RECQL4: variants seen among roughly 807,000 people sequenced by gnomAD.
RECQL4 encodes RecQ like helicase 4.
Under a neutral mutation model 128.6 loss-of-function variants are expected in RECQL4, and 158 were observed. That is an observed-to-expected ratio of 1.23 (90% CI 1.08 to 1.40). The LOEUF (loss-of-function observed/expected upper bound fraction) is 1.40, where lower values mean the gene tolerates loss of function less well. Among genes scored for constraint, RECQL4 ranks in the 40% most tolerant of loss-of-function variants. The probability of loss-of-function intolerance (pLI) is 0.00; values close to 1 mark genes in which losing one functional copy is unlikely to be tolerated. For synonymous variants in RECQL4, 996 were observed against 678.9 expected, an observed-to-expected ratio of 1.47 and a Z score of -7.26; for missense variants, 2,293 against 1,649.8, an observed-to-expected ratio of 1.39 and a Z score of -6.75.
At position 144,511,974 on chromosome 8, in the gene RECQL4, T is replaced by C. The variant is rs754909617; in HGVS notation, c.3330A>G (p.Glu1110=). Reference sequence around the variant, plus strand: ...TGCCTCCCGGCTCCTGCCCTTCCTCTTCCTCAAAGTAGCGGCCGAGCAGGT... The same window carrying C: ...TGCCTCCCGGCTCCTGCCCTTCCTCCTCCTCAAAGTAGCGGCCGAGCAGGT... The part of the protein sequence containing the change: ...LKDLLGRYFE[E]EEGQEPGGME... The change falls in exon 19 of 21, where the codon GAA becomes GAG. Residue 1110 remains glutamate (E), a synonymous_variant. Coordinates refer to ENST00000617875, the MANE Select transcript of RECQL4 (RefSeq NM_004260.4). 3.1e-6 allele frequency: 5 copies of C among 1,611,488 alleles called. No individual in the cohort carries two copies. In the African/African-American group the frequency reaches 6.7e-5, roughly 21 times the overall value.
Position 144,515,175 on chromosome 8 carries a change from C to T in RECQL4, c.1458G>A (p.Glu486=), listed in dbSNP as rs1060504211. 1.3e-6 allele frequency: 2 copies of T among 1,565,986 alleles called. No homozygotes were observed. The highest frequency in any genetic ancestry group is 8.6e-7 in the Non-Finnish European group (1 of 1,156,332). The change falls in exon 8 of 21, where the codon GAG becomes GAA. Residue 486 remains glutamate, a synonymous_variant. Coordinates refer to ENST00000617875, the MANE Select transcript of RECQL4 (RefSeq NM_004260.4). ...CAGACAGGATCCGCATGACTGCACG[C>T]TCCTGCCCAGGGCGAAAGGCTTGGT... The part of the protein sequence containing the change: ...LGHQAFRPGQ[E]RAVMRILSGI...
Position 144,513,551 on chromosome 8 carries a change from C to G in RECQL4, c.2200+20G>C, listed in dbSNP as rs1245400290. ...GCCCAAGGTGGGTCCACGGGGACAC[C>G]AGCTCTGTCCATGCCGCACCTCCAG... On this transcript the variant is annotated intron_variant, in intron 13 of 20. Transcript: ENST00000617875. 6.2e-7 allele frequency: 1 copy of G among 1,610,772 alleles called. No individual in the cohort carries two copies. Among genetic ancestry groups the G allele is most frequent in the Admixed American group, 1.7e-5 (1 of 59,872 alleles).
At chr8:144,513,195 G>A in intron 14 of RECQL4, 23 bp downstream of exon 14, 2 of 928,854 alleles carry the variant, frequency 2.2e-6, no homozygotes, top group Non-Finnish European at 3.1e-6. Flanking sequence ...AGCACTGGCA[G>A]TGTGGGGGGG....
chr8:144,514,237 G>A lies in RECQL4; in HGVS notation c.1830C>T (p.Leu610=), dbSNP rs751342461. Reference sequence around the variant, plus strand: ...GCCGGAAGTTGTGGGACCACTGGGAGAGGCAGTGGGCCTCATCAATGCAGG... The same window carrying A: ...GCCGGAAGTTGTGGGACCACTGGGAAAGGCAGTGGGCCTCATCAATGCAGG... ...AFACIDEAHC[L]SQWSHNFRPC... The change falls in exon 11 of 21, where the codon CTC becomes CTT. Residue 610 remains leucine, a synonymous_variant. Transcript: ENST00000617875. 6.2e-7 allele frequency: 1 copy of A among 1,612,342 alleles called. No homozygotes were observed. The highest frequency in any genetic ancestry group is 1.1e-5 in the South Asian group (1 of 91,090).
chr8:144,512,383 G>C lies in RECQL4; in HGVS notation c.3055+9C>G. 1.9e-6 allele frequency: 3 copies of C among 1,607,424 alleles called. No individual in the cohort carries two copies. Among genetic ancestry groups the C allele is most frequent in the Non-Finnish European group, 2.6e-6 (3 of 1,176,164 alleles). On this transcript the variant is annotated intron_variant, in intron 17 of 20. Coordinates refer to ENST00000617875, the MANE Select transcript of RECQL4 (RefSeq NM_004260.4). The stretch of plus-strand genomic sequence containing the variant: ...CGTCCAGGGCGGTGTGGGGTGGGGA[G>C]AGGCGCACCTGTCCTGGGCTCGTGG...
At chr8:144,513,771 G>T in intron 12 of RECQL4, 59 bp from the exon 13 acceptor site, 1 of 1,455,710 alleles carries the variant, frequency 6.9e-7, no homozygotes, top group Non-Finnish European at 9.2e-7. Flanking sequence ...CGTGTGCAGT[G>T]GGGAGTGAGG....
Position 144,516,007 on chromosome 8 carries a change from C to G in RECQL4, c.1112G>C (p.Ser371Thr), listed in dbSNP as rs1205624933. Reference protein sequence around the residue: ...KHYVRGRALRSRLLRKQAWKQ... With the variant: ...KHYVRGRALRTRLLRKQAWKQ... ...TCTTACCTGCTTGCGGAGGAGCCTG[C>G]TACGGAGTGCCCGGCCCCGCACGTA... The change falls in exon 5 of 21, where the codon AGC becomes ACC. Residue 371 changes from serine (S) to threonine (T), a missense_variant. Transcript: ENST00000617875. 6.2e-7 allele frequency: 1 copy of G among 1,609,812 alleles called. No individual in the cohort carries two copies. Among genetic ancestry groups the G allele is most frequent in the Non-Finnish European group, 8.5e-7 (1 of 1,177,640 alleles).
Position 144,516,713 on chromosome 8 carries a change from T to C in RECQL4, c.406A>G (p.Lys136Glu). 6.5e-7 allele frequency: 1 copy of C among 1,544,108 alleles called. No individual in the cohort carries two copies. Among genetic ancestry groups the C allele is most frequent in the Non-Finnish European group, 8.7e-7 (1 of 1,147,920 alleles). The stretch of plus-strand genomic sequence containing the variant: ...CCTGGGGGCTTTGGGGTGGATGCCT[T>C]AGATGAGGCTCTTCCTAGAGGCCAC... The part of the protein sequence containing the change: ...RPWPLGRASS[K>E]ASTPKPPGTG... The change falls in exon 5 of 21, where the codon AAG becomes GAG. Residue 136 changes from lysine to glutamate, a missense_variant. By Grantham distance (56) the Lys-to-Glu change is moderately conservative. Transcript: ENST00000617875.
intron 4 of RECQL4, 65 bp from the exon 5 acceptor site, chr8:144,516,829 C>T (rs1326447378): frequency 4.1e-6 from 6 of 1,454,878 alleles, no homozygotes; most frequent in African/African-American, 2.8e-5. Flanking sequence ...GACTCTAAAA[C>T]CTACCTGAGT....
At chr8:144,517,255 A>C in intron 3 of RECQL4, 65 bp from the exon 4 acceptor site, 1 of 1,527,154 alleles carries the variant, frequency 6.5e-7, no homozygotes, top group African/African-American at 1.4e-5. Flanking sequence ...GCTCCCAGCC[A>C]CCCCTCCCGC....
rs752895450 is a variant in RECQL4, at chr8:144,513,481, C to T, written c.2201-1G>A. 1.9e-6 allele frequency: 3 copies of T among 1,610,064 alleles called. No homozygotes were observed. Among genetic ancestry groups the T allele is most frequent in the South Asian group, 1.1e-5 (1 of 91,062 alleles). The stretch of plus-strand genomic sequence containing the variant: ...TCGGCTGTGGTTTTGGGGGCACGAC[C>T]TTTGGGGAAGACAGGCAGATGGTCA... On this transcript the variant is annotated splice_acceptor_variant, in intron 13 of 20. Coordinates refer to ENST00000617875, the MANE Select transcript of RECQL4 (RefSeq NM_004260.4). LOFTEE classifies it high-confidence loss of function.
chr8:144,517,575 G>GC (rs1564812371), intron 2 of RECQL4, 27 bp downstream of exon 2: 2 of 1,479,048 alleles, frequency 1.4e-6, no homozygotes, highest in South Asian at 1.3e-5. Context: ...GTGTCTTCTC[G>GC]CCCCCGCCGC....
rs541402387 is a variant in RECQL4, at chr8:144,516,483, T to C, written c.636A>G (p.Leu212=). ...LGAPKACRPD[L]GSEESQLLIP... is the part of the protein sequence containing the mutation. ...TCAGAAGTTGTGATTCCTCTGAGCCTAGATCAGGCCTGCAGGCTTTGGGGG... is the reference window on the plus strand; with the variant it reads ...TCAGAAGTTGTGATTCCTCTGAGCCCAGATCAGGCCTGCAGGCTTTGGGGG... The change falls in exon 5 of 21, where the codon CTA becomes CTG. Residue 212 remains leucine (L), a synonymous_variant. Coordinates refer to ENST00000617875, the MANE Select transcript of RECQL4 (RefSeq NM_004260.4). 3 of 1,608,892 alleles carry C rather than the reference T, an allele frequency of 1.9e-6. No individual in the cohort carries two copies. Among genetic ancestry groups the C allele is most frequent in the Non-Finnish European group, 8.5e-7 (1 of 1,179,722 alleles).
chr8:144,514,339 C>A lies in RECQL4; in HGVS notation c.1728G>T (p.Val576=). ...CCAGTGCCTCAGGTGTCAGCATCAG[C>A]ACGTGTACCTGGGCTGCCCGAATCT... ...LQKIRAAQVH[V]LMLTPEALVG... Residue 576 remains valine, a synonymous_variant, in exon 11 of 21, where the codon GTG becomes GTT. Transcript: ENST00000617875. The A allele has an allele frequency of 6.2e-7, 1 of 1,606,506 alleles. No homozygotes were observed. The highest frequency in any genetic ancestry group is 8.5e-7 in the Non-Finnish European group (1 of 1,175,926).
chr8:144,515,399 A>C lies in RECQL4; in HGVS notation c.1317T>G (p.Pro439=), dbSNP rs1828013369. ...GGTCCAGGCTGGGCACCTCAGGTACAGGTTGTGGTGAAGGAACCAGTGGCT... is the reference window on the plus strand; with the variant it reads ...GGTCCAGGCTGGGCACCTCAGGTACCGGTTGTGGTGAAGGAACCAGTGGCT... The part of the protein sequence containing the change: ...GPEPLVPSPQ[P]VPEVPSLDPT... The change falls in exon 7 of 21, where the codon CCT becomes CCG. Residue 439 remains proline (P), a synonymous_variant. Coordinates refer to ENST00000617875, the MANE Select transcript of RECQL4 (RefSeq NM_004260.4). 1 of 1,612,670 alleles carries C rather than the reference A, an allele frequency of 6.2e-7. No homozygotes were observed. Among genetic ancestry groups the C allele is most frequent in the Non-Finnish European group, 8.5e-7 (1 of 1,179,828 alleles).
Position 144,516,817 on chromosome 8 carries a change from T to G in RECQL4, c.355-53A>C. 2.0e-6 allele frequency: 3 copies of G among 1,492,626 alleles called. No homozygotes were observed. The South Asian group carries it at 4.1e-5, about 20-fold the overall frequency. The allele number at this position is 1,492,626 out of a possible 1,614,324, so 92.5% of individuals were successfully genotyped here. A position where few individuals can be genotyped will look rare whatever the true frequency, so the allele number is the denominator to read the frequency against. On this transcript the variant is annotated intron_variant, in intron 4 of 20. Coordinates refer to ENST00000617875, the MANE Select transcript of RECQL4 (RefSeq NM_004260.4). ...AGGAACTCAGGCCCCTGAGCTACTG[T>G]AGACTCTAAAACCTACCTGAGTCCC...
In RECQL4 at chr8:144,513,400, T is replaced by C. The variant is rs941552175; in HGVS notation, c.2281A>G (p.Met761Val). 9 of 1,608,634 alleles carry C rather than the reference T, an allele frequency of 5.6e-6. No individual in the cohort carries two copies. Among genetic ancestry groups the C allele is most frequent in the African/African-American group, 4.0e-5 (3 of 74,948 alleles). Residue 761 changes from methionine to valine, a missense_variant, in exon 14 of 21, where the codon ATG (methionine) becomes GTG (valine). By Grantham distance (21) the Met-to-Val change is conservative. Transcript: ENST00000617875. ...RERRRVQRAFMQGQLRVVVAT... is the reference protein window; with the variant it reads ...RERRRVQRAFVQGQLRVVVAT... ...ACCACCACCCGCAACTGGCCCTGCA[T>C]GAAGGCTCGCTGTACCCGCCGCCGT... is the stretch of plus-strand genomic sequence containing the variant.
At position 144,512,481 on chromosome 8, in the gene RECQL4, A is replaced by G. The variant is rs767220757; in HGVS notation, c.2966T>C (p.Met989Thr). The G allele has an allele frequency of 3.7e-6, 6 of 1,612,396 alleles. No homozygotes were observed. The highest frequency in any genetic ancestry group is 2.2e-5 in the South Asian group (2 of 91,082). ...GQGSSSVEFD[M>T]VKLVDSMGWE... The stretch of plus-strand genomic sequence containing the variant: ...GCCCATGGAGTCCACCAGCTTGACC[A>G]TGTCAAACTCCACGGAGCTGCTGCC... The change falls in exon 17 of 21, where the codon ATG becomes ACG. Residue 989 changes from methionine (M) to threonine (T), a missense_variant. Coordinates refer to ENST00000617875, the MANE Select transcript of RECQL4 (RefSeq NM_004260.4).
rs2130740179 is a variant in RECQL4, at chr8:144,517,420, G to A, written c.207C>T (p.Ala69=). ...GGCGGCGGGGCCTGGGTACCTCTTC[G>A]GCCGCCGCGGGGAGCGACTCGGAGC... ...LRSSESLPAA[A]EEAPEPRCWG... Residue 69 remains alanine, a synonymous_variant, in exon 3 of 21, where the codon GCC becomes GCT. Transcript: ENST00000617875. 1 of 1,573,046 alleles carries A rather than the reference G, an allele frequency of 6.4e-7. No homozygotes were observed. The highest frequency in any genetic ancestry group is 2.3e-5 in the East Asian group (1 of 43,384).
Sources: gnomAD v4.1 joint callset for allele counts on GRCh38, gnomAD v4.1.1 for gene constraint, MANE v1.5 for transcripts, NCBI Gene and HGNC (gene_info 2026-07-23, HGNC 2026-07-21) for gene names.